Variants in VEPH1 observed in about 807,000 individuals in gnomAD.
VEPH1 encodes ventricular zone-expressed PH domain-containing protein homolog 1.
VEPH1 carries 80 observed loss-of-function variants against 85.2 expected under a neutral mutation model. The ratio of observed to expected loss-of-function variants is 0.94; its 90% CI spans 0.78 to 1.13. VEPH1 has a LOEUF of 1.13. Among genes scored for constraint, VEPH1 ranks in the 50% most tolerant of loss-of-function variants. The pLI, the probability that VEPH1 is intolerant of heterozygous loss-of-function variation, is 0.00. For missense variants in VEPH1, 955 were observed against 980.5 expected (o/e 0.97, Z 0.35); for synonymous variants, 297 against 348.0 (o/e 0.85, Z 1.63).
chr3:157,411,739 T>G (rs1432414324), intron 6 of VEPH1, among the ~76,000 whole-genome samples: 1 of 152,182 alleles, frequency 6.6e-6, no homozygotes, highest in African/African-American at 2.4e-5. Flanking sequence ...GATTTGTTTG[T>G]TTTGGGGGAA....
intron 6 of VEPH1, among the ~76,000 whole-genome samples, chr3:157,389,942 C>T (rs972291365): frequency 9.2e-5 from 14 of 152,118 alleles, no homozygotes; most frequent in Non-Finnish European, 1.9e-4. Flanking sequence ...TTTCTTATTG[C>T]CTTTGCACTA....
intron 10 of VEPH1, 32 bp from the exon 11 acceptor site, chr3:157,313,787 T>C (rs185782381): frequency 6.2e-7 from 1 of 1,612,390 alleles, no homozygotes; most frequent in Admixed American, 1.7e-5. Context: ...AAACAGAATA[T>C]ACTATGTCTT....
chr3:157,472,581 G>A (rs1577741342), intron 2 of VEPH1, among the ~76,000 whole-genome samples: 1 of 152,198 alleles, frequency 6.6e-6, no homozygotes, highest in East Asian at 1.9e-4. Context: ...GTAAACTCGT[G>A]TCATGGGAGT....
At chr3:157,497,162 T>C (rs1739730854) in intron 1 of VEPH1, among the ~76,000 whole-genome samples, 1 of 152,190 alleles carries the variant, frequency 6.6e-6, no homozygotes, top group South Asian at 2.1e-4. Flanking sequence ...AATGTGAGGC[T>C]ACTGTTAGGA....
chr3:157,429,713 T>C (rs1476396391), intron 4 of VEPH1, among the ~76,000 whole-genome samples: 1 of 152,242 alleles, frequency 6.6e-6, no homozygotes, highest in Non-Finnish European at 1.5e-5. Context: ...TTCTGTTTAT[T>C]TTACTATGAG....
chr3:157,419,015 G>A (rs1732131236), intron 5 of VEPH1, among the ~76,000 whole-genome samples: 1 of 152,102 alleles, frequency 6.6e-6, no homozygotes, highest in Non-Finnish European at 1.5e-5. Context: ...AGAGATCTCA[G>A]AAATAAGACC....
intron 11 of VEPH1, among the ~76,000 whole-genome samples, chr3:157,311,585 T>C (rs1484001377): frequency 6.6e-6 from 1 of 152,216 alleles, no homozygotes; most frequent in Non-Finnish European, 1.5e-5. Flanking sequence ...TATAAAACTT[T>C]AAAAAATTTT....
At position 157,458,896 on chromosome 3, in the gene VEPH1, T is replaced by G. The variant is rs568089407; in HGVS notation, c.529+1285A>C. Among the ~76,000 whole-genome samples, 3 of 152,314 alleles carry G rather than the reference T, an allele frequency of 2.0e-5. No homozygotes were observed. The East Asian group carries it at 5.8e-4, about 29-fold the overall frequency. On this transcript the variant is annotated intron_variant, in intron 4 of 13. Coordinates refer to ENST00000362010, the MANE Select transcript of VEPH1 (RefSeq NM_001167912.2). ...TAGGGAGTCCTTCCCCCACTGATTA[T>G]TTTTGTTGAATTTGTCAAAGATCAG...
In VEPH1 at chr3:157,261,239, A is replaced by T; in HGVS notation, c.2397T>A (p.Phe799Leu). The stretch of plus-strand genomic sequence containing the variant: ...CTGCATTCTTCTCATCCTTGGCCTT[A>T]AAGACATAGGTTTTATTGTCTGTGA... ...EIFTDNKTYVFKAKDEKNAEE... is the reference protein window; with the variant it reads ...EIFTDNKTYVLKAKDEKNAEE... Residue 799 changes from phenylalanine (F) to leucine (L), a missense_variant, in exon 14 of 14, where the codon TTT becomes TTA. Transcript: ENST00000362010. 6.2e-7 allele frequency: 1 copy of T among 1,613,782 alleles called. No homozygotes were observed. Among genetic ancestry groups the T allele is most frequent in the Non-Finnish European group, 8.5e-7 (1 of 1,179,790 alleles).
Position 157,321,520 on chromosome 3 carries a change from C to T in VEPH1, c.1736-4319G>A, listed in dbSNP as rs1356056908. 3.3e-5 allele frequency among the ~76,000 whole-genome samples: 5 copies of T among 152,186 alleles called. No homozygotes were observed. The South Asian group carries it at 1.0e-3, about 32-fold the overall frequency. On this transcript the variant is annotated intron_variant, in intron 9 of 13. Transcript: ENST00000362010. ...CTCCATCTTACTGAAGAGGAAATCT[C>T]AAGATCAAACTTCCAGGAAGCAGCT...
intron 12 of VEPH1, among the ~76,000 whole-genome samples, chr3:157,272,895 C>G (rs1500927): frequency 0.62 from 94,747 of 152,002 alleles, 29,726 homozygotes; most frequent in Admixed American, 0.68. Flanking sequence ...CACTTGCCAT[C>G]ACCTTTCTTC....
At chr3:157,296,143 C>T (rs1404054491) in intron 11 of VEPH1, among the ~76,000 whole-genome samples, 2 of 151,970 alleles carry the variant, frequency 1.3e-5, no homozygotes, top group Admixed American at 6.6e-5. Context: ...TTTAAAACAA[C>T]AGTACAAAAG....
intron 2 of VEPH1, among the ~76,000 whole-genome samples, chr3:157,489,754 T>C (rs1739051591): frequency 6.6e-6 from 1 of 151,864 alleles, no homozygotes; most frequent in Admixed American, 6.6e-5. Context: ...TATCCTAGCA[T>C]CCAGTACAGT....
chr3:157,481,433 A>AACACACACAC (rs1177654727), intron 2 of VEPH1, among the ~76,000 whole-genome samples: 726 of 38,634 alleles, frequency 0.019, 53 homozygotes, highest in East Asian at 0.051. Flanking sequence ...TATGGAACCA[A>AACACACACAC]ACACACACAC....
At chr3:157,360,947 C>T (rs944133389) in intron 9 of VEPH1, among the ~76,000 whole-genome samples, 1 of 152,196 alleles carries the variant, frequency 6.6e-6, no homozygotes, top group Non-Finnish European at 1.5e-5. Context: ...CACATTTCCA[C>T]AAGACTAAAA....
At chr3:157,401,663 T>C (rs1730799329) in intron 6 of VEPH1, among the ~76,000 whole-genome samples, 1 of 152,130 alleles carries the variant, frequency 6.6e-6, no homozygotes, top group African/African-American at 2.4e-5. Flanking sequence ...GATGTAGTAA[T>C]AATTTCTCTG....
chr3:157,302,283 T>G (rs1239828493), intron 11 of VEPH1, among the ~76,000 whole-genome samples: 2 of 152,216 alleles, frequency 1.3e-5, no homozygotes, highest in African/African-American at 2.4e-5. Flanking sequence ...CTTTTGTCCC[T>G]TTCCAATCTA....
intron 6 of VEPH1, among the ~76,000 whole-genome samples, chr3:157,391,088 T>G (rs532533222): frequency 6.6e-6 from 1 of 152,204 alleles, no homozygotes; most frequent in East Asian, 1.9e-4. Context: ...TCTTGTACTT[T>G]GTCACTCACA....
chr3:157,469,454 G>A (rs1462300693), intron 3 of VEPH1, among the ~76,000 whole-genome samples: 1 of 152,194 alleles, frequency 6.6e-6, no homozygotes, highest in Non-Finnish European at 1.5e-5. Context: ...ATAGTGTTGT[G>A]TTGGGAGTGG....
Sources: gnomAD v4.1 joint callset for allele counts (sites outside exome capture counted in the v4.1 genomes callset) on GRCh38, gnomAD v4.1.1 for gene constraint, MANE v1.5 for transcripts, NCBI Gene and HGNC (gene_info 2026-07-23, HGNC 2026-07-21) for gene names.